GSN: variants seen among roughly 807,000 people sequenced by gnomAD.
The protein encoded by GSN is gelsolin.
GSN carries 56 observed loss-of-function variants against 85.7 expected under a neutral mutation model. The ratio of observed to expected loss-of-function variants is 0.65; its 90% CI spans 0.53 to 0.82. The LOEUF (loss-of-function observed/expected upper bound fraction) is 0.82. GSN is among the 40% of genes least tolerant of loss of function. The pLI, the probability that GSN is intolerant of heterozygous loss-of-function variation, is 0.00. For synonymous variants in GSN, 373 were observed against 399.1 expected, an observed-to-expected ratio of 0.93 and a Z score of 0.78; for missense variants, 857 against 979.8, an observed-to-expected ratio of 0.87 and a Z score of 1.67.
At chr9:121,304,567 T>C (rs2060210901) in intron 4 of GSN, among the ~76,000 whole-genome samples, 1 of 152,242 alleles carries the variant, frequency 6.6e-6, no homozygotes, top group African/African-American at 2.4e-5. Context: ...CTTGTATCTT[T>C]GGGCGGGTGT....
chr9:121,233,013 G>A (rs893044837), intron 5 of GSN, among the ~76,000 whole-genome samples: 3 of 152,200 alleles, frequency 2.0e-5, no homozygotes, highest in African/African-American at 7.2e-5. Context: ...GTTGAGAGGT[G>A]AAATGTGTTT....
intron 6 of GSN, among the ~76,000 whole-genome samples, chr9:121,256,013 A>G (rs1234607410): frequency 6.6e-6 from 1 of 152,090 alleles, no homozygotes. Flanking sequence ...GAGGGAGAGG[A>G]CTTAGAGATA....
At chr9:121,301,940 G>A in intron 2 of GSN, 23 bp from the exon 3 acceptor site, 1 of 1,613,948 alleles carries the variant, frequency 6.2e-7, no homozygotes, top group Non-Finnish European at 8.5e-7. Context: ...GCCCCGCTTA[G>A]GCTCTGCCCT....
chr9:121,253,663 C>T (rs2054887337), intron 6 of GSN, among the ~76,000 whole-genome samples: 1 of 152,216 alleles, frequency 6.6e-6, no homozygotes, highest in Admixed American at 6.5e-5. Flanking sequence ...CACAGTGAAA[C>T]AAAGTGTGTA....
At chr9:121,250,572 C>T (rs922145792) in intron 6 of GSN, among the ~76,000 whole-genome samples, 1 of 151,468 alleles carries the variant, frequency 6.6e-6, no homozygotes, top group South Asian at 2.1e-4. Flanking sequence ...GGGTCTGGCT[C>T]TGTCACTCAG....
rs558197515 is a variant in GSN at position 121,282,786 on chromosome 9, A to G, written c.-10+1224A>G. 20 of 395,510 alleles carry G rather than the reference A, an allele frequency of 5.1e-5. 2 individuals carry two copies. The highest frequency in any genetic ancestry group is 2.1e-4 in the African/African-American group (10 of 48,404). The allele number at this position is 395,510 out of a possible 1,614,324, so 24.5% of individuals were successfully genotyped here. A position where few individuals can be genotyped will look rare whatever the true frequency, so the allele number is the denominator to read the frequency against. ...TAACTCCAAAAGCCAAGTTGCCTCAATGTAATCTGTCAACAAAAAGAATGT... is the reference window on the plus strand; with the variant it reads ...TAACTCCAAAAGCCAAGTTGCCTCAGTGTAATCTGTCAACAAAAAGAATGT... On this transcript the variant is annotated intron_variant, in intron 2 of 17. Transcript: ENST00000432226.
At chr9:121,263,902 A>G (rs1184032781), upstream of GSN, among the ~76,000 whole-genome samples, 3 of 150,878 alleles carry the variant, frequency 2.0e-5, no homozygotes, top group Non-Finnish European at 3.0e-5. Flanking sequence ...AAAAAAAAAA[A>G]AAAAAAATCA....
intron 14 of GSN, among the ~76,000 whole-genome samples, chr9:121,328,142 T>C (rs1044049160): frequency 6.6e-5 from 10 of 152,156 alleles, no homozygotes; most frequent in Admixed American, 2.0e-4. Flanking sequence ...TGGACAGAAA[T>C]GCCACCAGCC....
Position 121,329,036 on chromosome 9 carries a change from C to T in GSN, c.1887+21C>T, listed in dbSNP as rs773838294. 6 of 1,612,722 alleles carry T rather than the reference C, an allele frequency of 3.7e-6. No homozygotes were observed. The highest frequency in any genetic ancestry group is 4.2e-6 in the Non-Finnish European group (5 of 1,179,632). On this transcript the variant is annotated intron_variant, in intron 15 of 17. Transcript: ENST00000432226. This position sits in a 1 kb window ranked among gnomAD's most constrained non-coding sequence, Gnocchi z 4.6. ...TTGTGGTGAGCCCCTGCGGAGGTCA[C>T]ACCTCTGCTTTCCCCTCGGGAGGCG...
At chr9:121,282,467 AC>A (rs1379651009) in intron 2 of GSN, 12 of 1,272,556 alleles carry the variant, frequency 9.4e-6, no homozygotes, top group Non-Finnish European at 1.0e-5. Flanking sequence ...TACAGGACTT[AC>A]GCGTCTGCTG....
At chr9:121,307,780 C>T (rs3789315) in intron 4 of GSN, among the ~76,000 whole-genome samples, 5,446 of 152,258 alleles carry the variant, frequency 0.036, 293 homozygotes, top group Admixed American at 0.14. Flanking sequence ...GCATTTTCTT[C>T]CCTGGCGGTT....
chr9:121,208,312 A>C (rs1490562416), intron 1 of GSN, among the ~76,000 whole-genome samples: 1 of 152,146 alleles, frequency 6.6e-6, no homozygotes, highest in African/African-American at 2.4e-5. Context: ...GCACACACTT[A>C]GGTTCCTGCC....
At chr9:121,274,336 T>C (rs1189286138) in intron 1 of GSN, among the ~76,000 whole-genome samples, 1 of 152,230 alleles carries the variant, frequency 6.6e-6, no homozygotes, top group Non-Finnish European at 1.5e-5. Flanking sequence ...GCCTGTACCA[T>C]GTTCCCTTAA....
At chr9:121,291,119 A>G (rs1011865739) in intron 2 of GSN, among the ~76,000 whole-genome samples, 5 of 152,234 alleles carry the variant, frequency 3.3e-5, no homozygotes, top group Non-Finnish European at 7.3e-5. Flanking sequence ...TGTAACAACT[A>G]TTTACATAGT....
chr9:121,246,635 G>A (rs1412133490), intron 5 of GSN, among the ~76,000 whole-genome samples: 1 of 151,732 alleles, frequency 6.6e-6, no homozygotes, highest in South Asian at 2.1e-4. Flanking sequence ...CACAATATCA[G>A]GTCCCTCCAT....
At chr9:121,315,447 G>A (rs181535894) in intron 7 of GSN, among the ~76,000 whole-genome samples, 35 of 152,274 alleles carry the variant, frequency 2.3e-4, no homozygotes, top group Admixed American at 2.2e-3. Flanking sequence ...GTCACAGGCC[G>A]AAGAATGAGT....
At chr9:121,313,498 C>T (rs981538970) in intron 6 of GSN, 2 of 279,222 alleles carry the variant, frequency 7.2e-6, no homozygotes, top group African/African-American at 4.4e-5. Context: ...GCTTAGCCAC[C>T]TAATAGCTGT....
chr9:121,308,724 T>G (rs2060707631), intron 4 of GSN: 1 of 152,196 alleles, frequency 6.6e-6, no homozygotes, highest in Non-Finnish European at 1.5e-5. Flanking sequence ...CATGCCTGGG[T>G]TTGAATTCTA....
rs1250481920 is a variant in GSN at position 121,299,314 on chromosome 9, G to A, written c.-9-2649G>A. 2.0e-6 allele frequency: 2 copies of A among 984,830 alleles called. No homozygotes were observed. The highest frequency in any genetic ancestry group is 2.3e-4 in the East Asian group (2 of 8,810). 61.0% of individuals were successfully genotyped at this position (984,830 alleles called of 1,614,324 possible). ...CCTGCTGCGGCGCATGCTGCCTGGT[G>A]GGGGTTCTGCCCAGGCCCACTACGG... On this transcript the variant is annotated intron_variant, in intron 2 of 17. Coordinates refer to ENST00000432226, the MANE Select transcript of GSN (RefSeq NM_198252.3). The surrounding 1 kb of genome is among the most constrained non-coding windows in gnomAD (Gnocchi z 4.2).
Sources: gnomAD v4.1 joint callset for allele counts (sites outside exome capture counted in the v4.1 genomes callset) on GRCh38, gnomAD v4.1.1 for gene constraint, Gnocchi (gnomAD v3.1) non-coding constraint, MANE v1.5 for transcripts, NCBI Gene and HGNC (gene_info 2026-07-23, HGNC 2026-07-21) for gene names.